The following ERC2 variants were observed in gnomAD, a reference collection of about 807,000 sequenced individuals.
The protein encoded by ERC2 is ELKS/RAB6-interacting/CAST family member 2.
Under a neutral mutation model 114.8 loss-of-function variants are expected in ERC2, and 42 were observed. That is an observed-to-expected ratio of 0.37 (90% CI 0.29 to 0.47). The LOEUF (loss-of-function observed/expected upper bound fraction) is 0.47, where lower values mean the gene tolerates loss of function less well. Ranked by LOEUF, ERC2 falls within the 20% of genes least tolerant of loss-of-function variation. The pLI, the probability that ERC2 is intolerant of heterozygous loss-of-function variation, is 0.99. For missense variants in ERC2, 939 were observed against 1,150.7 expected, an observed-to-expected ratio of 0.82 and a Z score of 2.66; for synonymous variants, 454 against 425.5, an observed-to-expected ratio of 1.07 and a Z score of -0.82.
intron 14 of ERC2, among the ~76,000 whole-genome samples, chr3:55,743,455 C>T (rs1316697635): frequency 6.6e-6 from 1 of 152,080 alleles, no homozygotes; most frequent in Non-Finnish European, 1.5e-5. Context: ...GCTATTCCCC[C>T]TATTCTAAAT....
At chr3:55,722,852 A>G (rs1483604452) in intron 15 of ERC2, among the ~76,000 whole-genome samples, 3 of 152,156 alleles carry the variant, frequency 2.0e-5, no homozygotes, top group Admixed American at 6.5e-5. Flanking sequence ...AAAATTTAAC[A>G]CGAACAGTTG....
intron 6 of ERC2, among the ~76,000 whole-genome samples, chr3:56,091,536 A>G (rs1366612609): frequency 6.6e-6 from 1 of 152,226 alleles, no homozygotes; most frequent in East Asian, 1.9e-4. Flanking sequence ...TCTGATCTAC[A>G]TGTGGATGGG....
chr3:56,311,819 ATGTGTGTGTGTGTGTGTG>A lies in ERC2; in HGVS notation c.658-15402_658-15385del, dbSNP rs10536094. On this transcript the variant is annotated intron_variant, in intron 2 of 17. Transcript: ENST00000288221. ...GCCAGGTTAAATTATATACATATAA[ATGTGTGTGTGTGTGTGTG>A]TGTGTGTGTGTGTGTGTGTGTATAA... Among the ~76,000 whole-genome samples the A allele has an allele frequency of 3.5e-5, 5 of 142,960 alleles. No homozygotes were observed. In the East Asian group the frequency reaches 8.3e-4, roughly 24 times the overall value. The allele number at this position is 142,960 out of a possible 152,430, so 93.8% of individuals were successfully genotyped here.
intron 13 of ERC2, among the ~76,000 whole-genome samples, chr3:55,889,442 G>A (rs1287804845): frequency 6.6e-6 from 1 of 152,124 alleles, no homozygotes; most frequent in Non-Finnish European, 1.5e-5. Context: ...TTTATAGGGT[G>A]CTAATACACC....
intron 3 of ERC2, among the ~76,000 whole-genome samples, chr3:56,259,510 CATT>C (rs1356587246): frequency 1.3e-5 from 2 of 151,970 alleles, no homozygotes; most frequent in Non-Finnish European, 2.9e-5. Flanking sequence ...TTATAAAAAA[CATT>C]ATATCAGAGT....
intron 17 of ERC2, among the ~76,000 whole-genome samples, chr3:55,608,587 G>C (rs1180934361): frequency 2.0e-5 from 3 of 151,966 alleles, no homozygotes; most frequent in African/African-American, 7.3e-5. Context: ...AAATCACCAG[G>C]GCCAAGGCCA....
rs75488854 is a variant in ERC2, at chr3:55,642,205, T to A, written c.*39+41589A>T. ...GCAAAGAGGAAAAGCCATATCCCAC[T>A]GTCATTCATGAGTGAGCATGTTCTC... On this transcript the variant is annotated intron_variant, in intron 17 of 17. Transcript: ENST00000288221. 2.5e-3 allele frequency among the ~76,000 whole-genome samples: 376 copies of A among 152,304 alleles called. 3 individuals are homozygous for A. The highest frequency in any genetic ancestry group is 8.4e-3 in the African/African-American group (349 of 41,568).
chr3:55,638,403 A>G (rs777598993), intron 17 of ERC2, among the ~76,000 whole-genome samples: 2 of 152,220 alleles, frequency 1.3e-5, no homozygotes, highest in Non-Finnish European at 2.9e-5. Flanking sequence ...TCAATGGATT[A>G]TGAAAGTTAT....
At chr3:55,912,195 C>G (rs1248643065) in intron 13 of ERC2, among the ~76,000 whole-genome samples, 1 of 152,008 alleles carries the variant, frequency 6.6e-6, no homozygotes, top group African/African-American at 2.4e-5. Flanking sequence ...GTGGTGGTAC[C>G]TACCCACAGG....
chr3:55,707,793 G>T (rs1364185438), intron 15 of ERC2, among the ~76,000 whole-genome samples: 1 of 152,208 alleles, frequency 6.6e-6, no homozygotes, highest in Non-Finnish European at 1.5e-5. Flanking sequence ...TTTAATAGCT[G>T]CTATGACAGA....
At chr3:56,268,573 C>G (rs1384628281) in intron 3 of ERC2, among the ~76,000 whole-genome samples, 1 of 152,042 alleles carries the variant, frequency 6.6e-6, no homozygotes, top group Non-Finnish European at 1.5e-5. Flanking sequence ...TCTCAGTATT[C>G]CAGAATAATA....
rs996574411 is a variant in ERC2, at chr3:56,307,327, G to A, written c.658-10892C>T. Among the ~76,000 whole-genome samples the A allele has an allele frequency of 1.1e-4, 16 of 152,324 alleles. No homozygotes were observed. The East Asian group carries it at 1.7e-3, about 16-fold the overall frequency. ...GTAAAGAAGCAACCTGAATCCTTGC[G>A]TCTTATCTCAATTTATCTTTTCCAT... On this transcript the variant is annotated intron_variant, in intron 2 of 17. Transcript: ENST00000288221.
chr3:55,717,212 G>A (rs1313054362), intron 15 of ERC2, among the ~76,000 whole-genome samples: 1 of 152,162 alleles, frequency 6.6e-6, no homozygotes, highest in African/African-American at 2.4e-5. Flanking sequence ...ATAACCCAGA[G>A]AACCAGAAGT....
At chr3:55,645,807 A>G (rs1367125978) in intron 17 of ERC2, among the ~76,000 whole-genome samples, 1 of 152,144 alleles carries the variant, frequency 6.6e-6, no homozygotes, top group Non-Finnish European at 1.5e-5. Context: ...CCTTTTAACC[A>G]TCAACGTTGG....
chr3:55,770,344 C>T (rs2068102090), intron 14 of ERC2, among the ~76,000 whole-genome samples: 1 of 152,146 alleles, frequency 6.6e-6, no homozygotes, highest in Admixed American at 6.5e-5. Flanking sequence ...TTGTGTTTGA[C>T]TTGCATGGAA....
Position 55,799,167 on chromosome 3 carries a change from G to T in ERC2, c.2565-64249C>A, listed in dbSNP as rs150052246. 8.6e-5 allele frequency among the ~76,000 whole-genome samples: 13 copies of T among 151,898 alleles called. No individual in the cohort carries two copies. In the East Asian group the frequency reaches 2.5e-3, roughly 30 times the overall value. ...CAAAGCTGATCCAGCAACCACCATGGCTCAATGTATAAAGTGCTACTGCAA... is the reference window on the plus strand; with the variant it reads ...CAAAGCTGATCCAGCAACCACCATGTCTCAATGTATAAAGTGCTACTGCAA... On this transcript the variant is annotated intron_variant, in intron 14 of 17. Transcript: ENST00000288221.
rs530826578 is a variant in ERC2, at chr3:56,215,353, A to C, written c.1075-41833T>G. On this transcript the variant is annotated intron_variant, in intron 3 of 17. Transcript: ENST00000288221. ...GCAGATGTTGCAATCCTAGTCTCTG[A>C]TAAAACAGACTTTAAACCAACAAAG... Among the ~76,000 whole-genome samples, 392 of 152,362 alleles carry C rather than the reference A, an allele frequency of 2.6e-3. 1 individual carries two copies. The highest frequency in any genetic ancestry group is 0.018 in the South Asian group (86 of 4,828).
rs551419733 is a variant in ERC2, at chr3:55,733,345, C to A, written c.2712+1426G>T. Among the ~76,000 whole-genome samples the A allele has an allele frequency of 1.2e-3, 189 of 152,146 alleles. 1 individual carries two copies. Among genetic ancestry groups the A allele is most frequent in the African/African-American group, 4.3e-3 (179 of 41,502 alleles). On this transcript the variant is annotated intron_variant, in intron 15 of 17. Coordinates refer to ENST00000288221, the MANE Select transcript of ERC2 (RefSeq NM_015576.3). ...TCTGTGGAATGACCCCAGTGTCTGG[C>A]AGTGACTGGGACCCTCCCTCTACAA...
intron 14 of ERC2, among the ~76,000 whole-genome samples, chr3:55,807,042 A>G (rs1368320898): frequency 6.6e-6 from 1 of 152,218 alleles, no homozygotes; most frequent in Non-Finnish European, 1.5e-5. Flanking sequence ...AGAAGCTCCA[A>G]GAAGGATCAT....
Sources: gnomAD v4.1 joint callset for allele counts (sites outside exome capture counted in the v4.1 genomes callset) on GRCh38, gnomAD v4.1.1 for gene constraint, MANE v1.5 for transcripts, NCBI Gene and HGNC (gene_info 2026-07-23, HGNC 2026-07-21) for gene names.